Variants in MIA2 observed in about 807,000 individuals in gnomAD.
MIA2 encodes MIA SH3 domain ER export factor 2.
A neutral mutation model predicts 167.8 loss-of-function variants in MIA2; 127 were observed. That is an observed-to-expected ratio of 0.76 (90% confidence interval 0.66 to 0.88). MIA2 has a LOEUF of 0.88. Among genes scored for constraint, MIA2 ranks in the 40% least tolerant of loss-of-function variants. MIA2 has a pLI of 0.00. For synonymous variants in MIA2, 552 were observed against 541.9 expected (o/e 1.02, Z -0.26); for missense variants, 1,690 against 1,624.7 (o/e 1.04, Z -0.69).
Position 39,338,361 on chromosome 14 carries a change from T to G in MIA2, c.3656-7543T>G, listed in dbSNP as rs191376133. Among the ~76,000 whole-genome samples, 668 of 152,222 alleles carry G rather than the reference T, an allele frequency of 4.4e-3. 2 individuals carry two copies. Among genetic ancestry groups the G allele is most frequent in the Non-Finnish European group, 7.2e-3 (488 of 68,000 alleles). On this transcript the variant is annotated intron_variant, in intron 25 of 28. Coordinates refer to ENST00000640607, the MANE Select transcript of MIA2 (RefSeq NM_001329214.4). ...ATCTTTCTGTGAATCTATTTTAAAA[T>G]AAAAAAGTAAAAATCTTATTGTATA...
chr14:39,380,916 T>A (rs2075145636), intron 23 of MIA2, among the ~76,000 whole-genome samples: 1 of 151,878 alleles, frequency 6.6e-6, no homozygotes, highest in South Asian at 2.1e-4. Flanking sequence ...GTAGTGCTTT[T>A]ACAGTGCATT....
intron 25 of MIA2, 41 bp downstream of exon 25, chr14:39,327,063 G>C (rs1281643107): frequency 7.1e-7 from 1 of 1,404,568 alleles, no homozygotes; most frequent in Non-Finnish European, 9.3e-7. Flanking sequence ...TTGAAAGGCA[G>C]CTGGGATGTG....
chr14:39,314,610 G>GT (rs55732496), intron 19 of MIA2, 129 bp from the exon 20 acceptor site: 23,838 of 189,680 alleles, frequency 0.13, 2,332 homozygotes, highest in Admixed American at 0.25. Context: ...GAGTTCTGGA[G>GT]TTTTTTTTTT....
intron 25 of MIA2, among the ~76,000 whole-genome samples, chr14:39,338,045 C>T (rs948623658): frequency 9.2e-5 from 14 of 151,978 alleles, no homozygotes; most frequent in East Asian, 1.9e-4. Flanking sequence ...CTTGAAATGA[C>T]GGTATAGAAA....
rs767243925 is a variant in MIA2, at chr14:39,315,672, T to G, written c.3181-11T>G. 30 of 1,545,946 alleles carry G rather than the reference T, an allele frequency of 1.9e-5. No individual in the cohort carries two copies. Among genetic ancestry groups the G allele is most frequent in the Admixed American group, 3.6e-5 (2 of 55,098 alleles). On this transcript the variant is annotated splice_polypyrimidine_tract_variant and intron_variant, in intron 20 of 28. Coordinates refer to ENST00000640607, the MANE Select transcript of MIA2 (RefSeq NM_001329214.4). ...AATGGTCAGTAGCATTTTAATTACT[T>G]TCTTTTTCAGATTATTTCCCATGAG...
rs756627973 is a variant in MIA2, at chr14:39,308,520, C to A, written c.2950C>A (p.Gln984Lys). ...SENTHFENEN[Q>K]KLQQKLKVMT... is the part of the protein sequence containing the mutation. The stretch of plus-strand genomic sequence containing the variant: ...AAACACACATTTTGAAAATGAGAAT[C>A]AGAAGCTTCAACAGAAACTTAAAGT... Residue 984 changes from glutamine to lysine, a missense_variant, in exon 18 of 29, where the codon CAG (glutamine) becomes AAG (lysine). Gln to Lys is a moderately conservative substitution (Grantham distance 53). Coordinates refer to ENST00000640607, the MANE Select transcript of MIA2 (RefSeq NM_001329214.4). 1 of 1,578,788 alleles carries A rather than the reference C, an allele frequency of 6.3e-7. No homozygotes were observed. Among genetic ancestry groups the A allele is most frequent in the Non-Finnish European group, 8.6e-7 (1 of 1,158,884 alleles).
intron 25 of MIA2, among the ~76,000 whole-genome samples, chr14:39,333,809 G>C (rs1348400830): frequency 6.6e-6 from 1 of 152,086 alleles, no homozygotes; most frequent in African/African-American, 2.4e-5. Context: ...TACCATACTA[G>C]AAATGGAACC....
intron 18 of MIA2, among the ~76,000 whole-genome samples, chr14:39,312,766 G>A (rs1306294242): frequency 6.6e-6 from 1 of 151,954 alleles, no homozygotes; most frequent in African/African-American, 2.4e-5. Context: ...AGAAGTCTGA[G>A]AACAGTTTTT....
At chr14:39,302,016 GTGT>G in intron 14 of MIA2, 110 bp from the exon 15 acceptor site, 1 of 1,175,864 alleles carries the variant, frequency 8.5e-7, no homozygotes, top group South Asian at 1.7e-5. Context: ...AAGAGCTCTT[GTGT>G]TGTTATTTAT....
intron 23 of MIA2, among the ~76,000 whole-genome samples, chr14:39,357,743 G>T (rs543723590): frequency 1.1e-4 from 17 of 152,168 alleles, no homozygotes; most frequent in Non-Finnish European, 2.1e-4. Flanking sequence ...CGTAGGGCAG[G>T]CCTGGTGGTG....
intron 25 of MIA2, among the ~76,000 whole-genome samples, chr14:39,335,626 A>C (rs1484373654): frequency 1.3e-5 from 2 of 152,068 alleles, no homozygotes; most frequent in Non-Finnish European, 2.9e-5. Context: ...CTTTTATTTG[A>C]GATTCACAGG....
chr14:39,237,187 C>T (rs2053787947), intron 2 of MIA2, 132 bp downstream of exon 2: 1 of 973,864 alleles, frequency 1.0e-6, no homozygotes, highest in African/African-American at 1.6e-5. Context: ...GTGGTGTGAT[C>T]ACAGCTCACT....
intron 12 of MIA2, 139 bp from the exon 13 acceptor site, chr14:39,294,786 C>T: frequency 1.5e-6 from 1 of 660,830 alleles, no homozygotes; most frequent in Non-Finnish European, 2.7e-6. Flanking sequence ...AGCCTTTTTT[C>T]TGCTACACCA....
chr14:39,353,366 T>G (rs999760348), downstream of MIA2, among the ~76,000 whole-genome samples: 1 of 152,204 alleles, frequency 6.6e-6, no homozygotes, highest in Non-Finnish European at 1.5e-5. Flanking sequence ...CTTTCCAGTC[T>G]CTGGTATCTA....
At chr14:39,316,013 G>A (rs1429081977) in intron 21 of MIA2, among the ~76,000 whole-genome samples, 1 of 152,248 alleles carries the variant, frequency 6.6e-6, no homozygotes, top group South Asian at 2.1e-4. Flanking sequence ...GCACTGGATT[G>A]CCACTAATTA....
chr14:39,291,254 C>A, intron 10 of MIA2, 158 bp downstream of exon 10: 1 of 552,474 alleles, frequency 1.8e-6, no homozygotes, highest in Non-Finnish European at 3.0e-6. Flanking sequence ...GGAAATGGGA[C>A]AATAGGAGGT....
chr14:39,303,512 T>C lies in MIA2; in HGVS notation c.2775T>C (p.Ile925=). 1.2e-6 allele frequency: 2 copies of C among 1,610,838 alleles called. No homozygotes were observed. Among genetic ancestry groups the C allele is most frequent in the Non-Finnish European group, 1.7e-6 (2 of 1,177,824 alleles). The change falls in exon 16 of 29, where the codon ATT becomes ATC. Residue 925 remains isoleucine (I), a synonymous_variant. Coordinates refer to ENST00000640607, the MANE Select transcript of MIA2 (RefSeq NM_001329214.4). ...CAAAAGGAGCTTTGAAGAAACTGAT[T>C]CATGCTGCTAAGGTTTGTGCTATTA... ...NPPKGALKKL[I]HAAKLNASLK... is the part of the protein sequence containing the mutation.
rs1436952001 is a variant in MIA2, at chr14:39,238,232, G to T, written c.249+1177G>T. On this transcript the variant is annotated intron_variant, in intron 2 of 28. Coordinates refer to ENST00000640607, the MANE Select transcript of MIA2 (RefSeq NM_001329214.4). Reference sequence around the variant, plus strand: ...CTGTCACCCAGACTGGAGTGCAGTGGCACGATTTCAGCTCACTGCAACCTC... The same window carrying T: ...CTGTCACCCAGACTGGAGTGCAGTGTCACGATTTCAGCTCACTGCAACCTC... 5.9e-5 allele frequency among the ~76,000 whole-genome samples: 9 copies of T among 151,652 alleles called. No individual in the cohort carries two copies. In the South Asian group the frequency reaches 1.9e-3, roughly 32 times the overall value.
intron 23 of MIA2, chr14:39,385,787 G>A (rs549693588): frequency 2.3e-6 from 2 of 871,688 alleles, no homozygotes; most frequent in East Asian, 4.8e-5. Context: ...TTTAATTGCT[G>A]TTGCCTCTGG....
Sources: gnomAD v4.1 joint callset for allele counts (sites outside exome capture counted in the v4.1 genomes callset) on GRCh38, gnomAD v4.1.1 for gene constraint, MANE v1.5 for transcripts, NCBI Gene and HGNC (gene_info 2026-07-23, HGNC 2026-07-21) for gene names.